The following MCHR2 variants were observed in gnomAD, a reference collection of about 807,000 sequenced individuals.
The protein encoded by MCHR2 is melanin-concentrating hormone receptor 2.
A neutral mutation model predicts 24.8 loss-of-function variants in MCHR2; 15 were observed. The observed-to-expected ratio is 0.60, with a 90% CI of 0.40 to 0.93. MCHR2 has a LOEUF of 0.93. MCHR2 is among the 40% of genes least tolerant of loss of function. The pLI is 0.00. For synonymous variants in MCHR2, 151 were observed against 147.6 expected (o/e 1.02, Z -0.17); for missense variants, 386 against 408.7 (o/e 0.94, Z 0.48).
intron 4 of MCHR2, among the ~76,000 whole-genome samples, chr6:99,938,452 C>A (rs1236006041): frequency 1.3e-5 from 2 of 151,918 alleles, no homozygotes; most frequent in South Asian, 2.1e-4. Context: ...ATTCATTGAC[C>A]CACTAATCAT....
chr6:99,993,095 C>T (rs1582419689), intron 1 of MCHR2, among the ~76,000 whole-genome samples: 1 of 152,264 alleles, frequency 6.6e-6, no homozygotes, highest in East Asian at 1.9e-4. Flanking sequence ...TGTGTTCATG[C>T]CTGATTCTTT....
intron 1 of MCHR2, among the ~76,000 whole-genome samples, chr6:99,979,560 C>G (rs1775624608): frequency 6.6e-6 from 1 of 152,060 alleles, no homozygotes; most frequent in Admixed American, 6.5e-5. Flanking sequence ...ATTGATTGCA[C>G]ATGGAAATAA....
chr6:99,934,332 T>G, intron 5 of MCHR2, 66 bp downstream of exon 5: 1 of 1,388,168 alleles, frequency 7.2e-7, no homozygotes, highest in Non-Finnish European at 9.5e-7. Flanking sequence ...TGCCTAAGTT[T>G]CTATTGTAGA....
At chr6:99,930,230 CT>C (rs1257633475) in intron 5 of MCHR2, among the ~76,000 whole-genome samples, 5 of 152,104 alleles carry the variant, frequency 3.3e-5, no homozygotes, top group African/African-American at 9.7e-5. Flanking sequence ...ATGGGCTTCC[CT>C]TTGTGGGTAA....
intron 1 of MCHR2, among the ~76,000 whole-genome samples, chr6:99,969,679 T>C (rs1260558945): frequency 6.0e-5 from 9 of 150,114 alleles, no homozygotes; most frequent in Admixed American, 6.0e-4. Context: ...TAACTCGTCA[T>C]TTAGCATTAG....
rs76619291 is a variant in MCHR2 at position 99,935,812 on chromosome 6, C to T, written c.588-1295G>A. Among the ~76,000 whole-genome samples, 1,029 of 151,902 alleles carry T rather than the reference C, an allele frequency of 6.8e-3. 9 individuals are homozygous for T. Among genetic ancestry groups the T allele is most frequent in the African/African-American group, 0.023 (946 of 41,474 alleles). On this transcript the variant is annotated intron_variant, in intron 4 of 5. Coordinates refer to ENST00000281806, the MANE Select transcript of MCHR2 (RefSeq NM_001040179.2). ...TGATTGTAACAATATATATTCCCAC[C>T]GACAATGTACAAAGGTTCCGCTTTG...
At chr6:99,976,320 T>C (rs956276014) in intron 1 of MCHR2, among the ~76,000 whole-genome samples, 2 of 152,222 alleles carry the variant, frequency 1.3e-5, no homozygotes, top group African/African-American at 4.8e-5. Context: ...GGAAACTATG[T>C]GATTTTTGCA....
chr6:99,956,075 C>T lies in MCHR2; in HGVS notation c.73G>A (p.Ala25Thr). 1.2e-6 allele frequency: 2 copies of T among 1,613,442 alleles called. No individual in the cohort carries two copies. Among genetic ancestry groups the T allele is most frequent in the Non-Finnish European group, 1.7e-6 (2 of 1,179,618 alleles). Residue 25 changes from alanine (A) to threonine (T), a missense_variant, in exon 2 of 6, where the codon GCT (alanine) becomes ACT (threonine). Physicochemically the swap from Ala to Thr is moderately conservative, Grantham distance 58. Transcript: ENST00000281806. Reference protein sequence around the residue: ...LLNKSWNKEFAYQTASVVDTV... With the variant: ...LLNKSWNKEFTYQTASVVDTV... ...TCTACCACACTGGCAGTTTGATAAGCAAACTCTTTATTCCAGGATTTGTTT... is the reference window on the plus strand; with the variant it reads ...TCTACCACACTGGCAGTTTGATAAGTAAACTCTTTATTCCAGGATTTGTTT...
At position 99,961,241 on chromosome 6, in the gene MCHR2, G is replaced by A. The variant is rs11963548; in HGVS notation, c.-27-5067C>T. On this transcript the variant is annotated intron_variant, in intron 1 of 5. Coordinates refer to ENST00000281806, the MANE Select transcript of MCHR2 (RefSeq NM_001040179.2). The stretch of plus-strand genomic sequence containing the variant: ...TTTTTTTTTAGAATGTTTTAGGAAT[G>A]CTCTTACACTGTTGGTGGGAGTGTA... Among the ~76,000 whole-genome samples the A allele has an allele frequency of 3.6e-4, 54 of 151,844 alleles. 1 individual carries two copies. The highest frequency in any genetic ancestry group is 1.2e-3 in the African/African-American group (51 of 41,460).
intron 5 of MCHR2, among the ~76,000 whole-genome samples, chr6:99,926,210 A>G (rs1401567507): frequency 6.6e-6 from 1 of 152,216 alleles, no homozygotes; most frequent in Non-Finnish European, 1.5e-5. Flanking sequence ...TATATGTGCC[A>G]CATTGTCTTA....
chr6:99,982,440 G>T (rs543226715), intron 1 of MCHR2, among the ~76,000 whole-genome samples: 2 of 109,968 alleles, frequency 1.8e-5, no homozygotes, highest in South Asian at 6.6e-4. Flanking sequence ...ACCAGCCTGG[G>T]CAATATGGAG....
chr6:99,941,013 TC>T (rs1164288507), intron 4 of MCHR2, among the ~76,000 whole-genome samples: 2 of 152,114 alleles, frequency 1.3e-5, no homozygotes, highest in Admixed American at 1.3e-4. Flanking sequence ...CAGGGATATT[TC>T]TCCCTTCCAG....
intron 4 of MCHR2, among the ~76,000 whole-genome samples, chr6:99,940,921 T>C (rs1774757619): frequency 6.6e-6 from 1 of 152,150 alleles, no homozygotes; most frequent in Non-Finnish European, 1.5e-5. Flanking sequence ...TGTACTGCTA[T>C]ATAGCCACTC....
intron 5 of MCHR2, among the ~76,000 whole-genome samples, chr6:99,930,345 T>C (rs1774488138): frequency 6.6e-6 from 1 of 152,174 alleles, no homozygotes; most frequent in Non-Finnish European, 1.5e-5. Flanking sequence ...AGGAGTATCT[T>C]TGTGGCGTTC....
chr6:99,964,974 T>TA (rs1184110848), intron 1 of MCHR2, among the ~76,000 whole-genome samples: 6 of 152,046 alleles, frequency 3.9e-5, no homozygotes, highest in African/African-American at 7.2e-5. Context: ...ATAATGATGG[T>TA]AAAAATATAA....
At chr6:99,980,769 T>G (rs759758073) in intron 1 of MCHR2, among the ~76,000 whole-genome samples, 10 of 152,148 alleles carry the variant, frequency 6.6e-5, no homozygotes, top group South Asian at 2.1e-4. Flanking sequence ...TTAATAGCAA[T>G]GAGAATGTGG....
intron 2 of MCHR2, among the ~76,000 whole-genome samples, chr6:99,949,519 G>A (rs770458312): frequency 3.3e-5 from 5 of 152,102 alleles, no homozygotes; most frequent in Non-Finnish European, 5.9e-5. Context: ...ATTATTCATT[G>A]GTTACAACTT....
intron 5 of MCHR2, among the ~76,000 whole-genome samples, chr6:99,926,083 T>C (rs957431800): frequency 1.5e-4 from 23 of 151,374 alleles, no homozygotes; most frequent in African/African-American, 5.6e-4. Context: ...GAACATGTGG[T>C]GTTTGGTTTT....
At chr6:99,921,892 C>G (rs1172964622) in intron 5 of MCHR2, among the ~76,000 whole-genome samples, 1 of 152,098 alleles carries the variant, frequency 6.6e-6, no homozygotes, top group African/African-American at 2.4e-5. Context: ...CTTTCTGTGC[C>G]TGGTTTATTT....
Sources: gnomAD v4.1 joint callset for allele counts (sites outside exome capture counted in the v4.1 genomes callset) on GRCh38, gnomAD v4.1.1 for gene constraint, MANE v1.5 for transcripts, NCBI Gene and HGNC (gene_info 2026-07-23, HGNC 2026-07-21) for gene names.